Variants in STXBP4 observed in about 807,000 individuals in gnomAD.
The protein encoded by STXBP4 is syntaxin-binding protein 4.
In STXBP4, 55 loss-of-function variants were observed where a neutral mutation model predicts 76.1. That is an observed-to-expected ratio of 0.72 (90% CI 0.58 to 0.91). The LOEUF is 0.91. Among genes scored for constraint, STXBP4 ranks in the 40% least tolerant of loss-of-function variants. The pLI is 0.00. For missense variants in STXBP4, 618 were observed against 636.9 expected, an observed-to-expected ratio of 0.97 and a Z score of 0.32; for synonymous variants, 201 against 220.2, an observed-to-expected ratio of 0.91 and a Z score of 0.77.
Position 55,161,513 on chromosome 17 carries a change from C to T in STXBP4, c.*1602C>T, listed in dbSNP as rs1010377323. ...ATTAATGGTATGAAATTTCTCTCCC[C>T]CTGCTTGAAGAGTTTTCTAATTCGT... On this transcript the variant is annotated 3_prime_UTR_variant, in exon 18 of 18. Transcript: ENST00000376352. The T allele has an allele frequency of 1.3e-5, 2 of 152,108 alleles. No individual in the cohort carries two copies. Among genetic ancestry groups the T allele is most frequent in the East Asian group, 1.9e-4 (1 of 5,190 alleles). 9.4% of individuals were successfully genotyped at this position (152,108 alleles called of 1,614,324 possible).
chr17:55,166,534 C>G lies in STXBP4; in HGVS notation c.*6623C>G, dbSNP rs917034711. On this transcript the variant is annotated 3_prime_UTR_variant, in exon 18 of 18. Coordinates refer to ENST00000376352, the MANE Select transcript of STXBP4 (RefSeq NM_178509.6). ...AACAGTTGCTCAGATATACTGTTTT[C>G]TGTCTAGGAAACTTCTCTTGCCCCA... The G allele has an allele frequency of 2.6e-5, 4 of 152,272 alleles. No individual in the cohort carries two copies. The highest frequency in any genetic ancestry group is 4.4e-5 in the Non-Finnish European group (3 of 68,080). The allele number at this position is 152,272 out of a possible 1,614,324, so 9.4% of individuals were successfully genotyped here. A position where few individuals can be genotyped will look rare whatever the true frequency, so the allele number is the denominator to read the frequency against.
rs1259087348 is a variant in STXBP4, at chr17:55,078,141, A to G, written c.1252A>G (p.Met418Val). ...VLDCQLRKSE[M>V]ARKTFEASTE... ...CGACTGCCAATTACGAAAATCAGAA[A>G]TGGCTCGAAAAACTTTTGAGGCATC... The change falls in exon 14 of 18, where the codon ATG (methionine) becomes GTG (valine). Residue 418 changes from methionine (M) to valine (V), a missense_variant. By Grantham distance (21) the Met-to-Val change is conservative (BLOSUM62 1). Transcript: ENST00000376352. The G allele has an allele frequency of 9.9e-6, 16 of 1,612,564 alleles. No homozygotes were observed. The highest frequency in any genetic ancestry group is 1.7e-4 in the Middle Eastern group (1 of 6,048).
intron 17 of STXBP4, among the ~76,000 whole-genome samples, chr17:55,146,972 A>C (rs2080164055): frequency 6.6e-6 from 1 of 152,204 alleles, no homozygotes; most frequent in Admixed American, 6.5e-5. Flanking sequence ...TATGTGACCA[A>C]CCCTGGTTCA....
the STXBP4 span, among the ~76,000 whole-genome samples, chr17:55,190,986 C>T: frequency 1.1e-4 from 16 of 152,166 alleles, no homozygotes; most frequent in Non-Finnish European, 2.4e-4. Flanking sequence ...GGGGAAAGGC[C>T]AATCCCCACC....
At chr17:55,010,528 T>C (rs2078090556) in intron 8 of STXBP4, among the ~76,000 whole-genome samples, 1 of 152,142 alleles carries the variant, frequency 6.6e-6, no homozygotes, top group Non-Finnish European at 1.5e-5. Flanking sequence ...AGTATATGTC[T>C]CATTTGATCC....
At chr17:55,043,858 T>C in intron 11 of STXBP4, 1 of 556,148 alleles carries the variant, frequency 1.8e-6, no homozygotes, top group Non-Finnish European at 3.1e-6. Context: ...GTTTTTGTTT[T>C]GTGTTTTTGA....
intron 16 of STXBP4, among the ~76,000 whole-genome samples, chr17:55,134,352 A>G (rs244307): frequency 0.64 from 97,033 of 151,790 alleles, 31,875 homozygotes; most frequent in African/African-American, 0.79. Context: ...TGAGATAACC[A>G]TGAAAACTAT....
At chr17:55,061,485 C>T (rs2078994361) in intron 12 of STXBP4, among the ~76,000 whole-genome samples, 1 of 152,124 alleles carries the variant, frequency 6.6e-6, no homozygotes, top group African/African-American at 2.4e-5. Flanking sequence ...ATATATTTGT[C>T]AGTCTTTTCT....
chr17:55,066,111 A>T (rs2079047829), intron 12 of STXBP4, among the ~76,000 whole-genome samples: 1 of 152,242 alleles, frequency 6.6e-6, no homozygotes, highest in African/African-American at 2.4e-5. Flanking sequence ...ATCAAGGATT[A>T]GGTAAGGTTG....
chr17:54,980,422 C>T (rs2077534108), intron 1 of STXBP4, among the ~76,000 whole-genome samples: 1 of 152,052 alleles, frequency 6.6e-6, no homozygotes. Context: ...AAGATTTGGA[C>T]AAAATGCACA....
At chr17:55,111,141 T>C (rs966519281) in intron 16 of STXBP4, among the ~76,000 whole-genome samples, 8 of 152,132 alleles carry the variant, frequency 5.3e-5, no homozygotes, top group African/African-American at 1.9e-4. Flanking sequence ...CTTCCAGATT[T>C]CCCTACAGTC....
Position 55,150,321 on chromosome 17 carries a change from G to T in STXBP4, c.1547+8954G>T, listed in dbSNP as rs148601460. Among the ~76,000 whole-genome samples, 86 of 152,216 alleles carry T rather than the reference G, an allele frequency of 5.6e-4. 2 individuals are homozygous for T. The East Asian group carries it at 0.015, about 27-fold the overall frequency. ...CCTGGCTTCTAGATGCCTACCTCTGGCTGTGTCCTCATCTGGCCTCTTCTC... is the reference window on the plus strand; with the variant it reads ...CCTGGCTTCTAGATGCCTACCTCTGTCTGTGTCCTCATCTGGCCTCTTCTC... On this transcript the variant is annotated intron_variant, in intron 17 of 17. Transcript: ENST00000376352.
chr17:55,064,645 C>G (rs528330330), intron 12 of STXBP4, among the ~76,000 whole-genome samples: 26 of 149,070 alleles, frequency 1.7e-4, no homozygotes, highest in Non-Finnish European at 3.6e-4. Context: ...AGGCACGCCA[C>G]CCGCCACCCG....
At chr17:55,212,676 T>C in the STXBP4 span, among the ~76,000 whole-genome samples, 1 of 152,224 alleles carries the variant, frequency 6.6e-6, no homozygotes, top group Non-Finnish European at 1.5e-5. Context: ...TTTGTTAAAA[T>C]GGCTGAAAAC....
the STXBP4 span, among the ~76,000 whole-genome samples, chr17:55,182,715 GA>G: frequency 5.1e-4 from 76 of 149,050 alleles, no homozygotes; most frequent in African/African-American, 1.6e-3. Context: ...AAAGCAGACA[GA>G]AAAAAAAAGA....
At chr17:55,053,508 A>G (rs929784848) in intron 12 of STXBP4, among the ~76,000 whole-genome samples, 5 of 152,170 alleles carry the variant, frequency 3.3e-5, no homozygotes, top group Admixed American at 3.3e-4. Context: ...TTTCTCACTC[A>G]TGAACATGTT....
rs1237470555 is a variant in STXBP4, at chr17:55,169,964, T to C, written c.*10053T>C. 1 of 152,230 alleles carries C rather than the reference T, an allele frequency of 6.6e-6. No individual in the cohort carries two copies. The allele number at this position is 152,230 out of a possible 1,614,324, so 9.4% of individuals were successfully genotyped here. ...ACCTTCTCACCTATGATATAAGGCT[T>C]CCTTAGAATTATTGATTAATTATTT... On this transcript the variant is annotated 3_prime_UTR_variant, in exon 18 of 18. Coordinates refer to ENST00000376352, the MANE Select transcript of STXBP4 (RefSeq NM_178509.6).
the STXBP4 span, among the ~76,000 whole-genome samples, chr17:55,210,666 G>C: frequency 1.3e-5 from 2 of 152,128 alleles, no homozygotes; most frequent in Non-Finnish European, 2.9e-5. Context: ...AATATACACA[G>C]ATATTGTGTA....
At chr17:55,092,183 TAA>T (rs1158765227) in intron 16 of STXBP4, among the ~76,000 whole-genome samples, 1 of 152,078 alleles carries the variant, frequency 6.6e-6, no homozygotes, top group Non-Finnish European at 1.5e-5. Flanking sequence ...GGTTAAGGGA[TAA>T]AAGACTACAC....
Sources: allele counts gnomAD v4.1 joint callset (sites outside exome capture counted in the v4.1 genomes callset), GRCh38; gene constraint gnomAD v4.1.1; transcripts MANE v1.5; gene names NCBI Gene and HGNC (gene_info 2026-07-23, HGNC 2026-07-21).